The following SLC24A2 variants were observed in gnomAD, a reference collection of about 807,000 sequenced individuals.
The protein encoded by SLC24A2 is sodium/potassium/calcium exchanger 2.
In SLC24A2, 36 loss-of-function variants were observed where a neutral mutation model predicts 62.0. The observed-to-expected ratio is 0.58, with a 90% CI of 0.44 to 0.77. The LOEUF (loss-of-function observed/expected upper bound fraction) is 0.77. Among genes scored for constraint, SLC24A2 ranks in the 30% least tolerant of loss-of-function variants. The pLI, the probability that SLC24A2 is intolerant of heterozygous loss-of-function variation, is 0.00. For missense variants in SLC24A2, 846 were observed against 817.9 expected (o/e 1.03, Z -0.42); for synonymous variants, 358 against 294.0 (o/e 1.22, Z -2.23).
At chr9:19,609,693 C>T (rs1301067567) in intron 4 of SLC24A2, among the ~76,000 whole-genome samples, 11 of 152,090 alleles carry the variant, frequency 7.2e-5, no homozygotes, top group Non-Finnish European at 1.5e-4. Context: ...TCATTGCTTT[C>T]ATGTTTAAAT....
At chr9:20,020,909 T>C in the SLC24A2 span, among the ~76,000 whole-genome samples, 1 of 152,190 alleles carries the variant, frequency 6.6e-6, no homozygotes, top group South Asian at 2.1e-4. Context: ...AATAAGGATA[T>C]ATGAAAGAGT....
chr9:20,114,790 T>C, the SLC24A2 span, among the ~76,000 whole-genome samples: 2 of 152,064 alleles, frequency 1.3e-5, no homozygotes, highest in East Asian at 3.9e-4. Flanking sequence ...ATGGCCCAAT[T>C]CCAAAACACC....
At chr9:20,214,356 G>A in the SLC24A2 span, among the ~76,000 whole-genome samples, 1 of 152,198 alleles carries the variant, frequency 6.6e-6, no homozygotes, top group Admixed American at 6.5e-5. Context: ...GCTCACACCT[G>A]TAGTCCCAGC....
the SLC24A2 span, among the ~76,000 whole-genome samples, chr9:19,911,807 C>T: frequency 6.6e-6 from 1 of 152,140 alleles, no homozygotes; most frequent in Non-Finnish European, 1.5e-5. Flanking sequence ...TGCACCATCG[C>T]TATCACTTGT....
the SLC24A2 span, among the ~76,000 whole-genome samples, chr9:20,127,953 G>A: frequency 6.6e-6 from 1 of 152,054 alleles, no homozygotes; most frequent in Non-Finnish European, 1.5e-5. Flanking sequence ...AAGGGAAAGT[G>A]GGTGCAACAC....
At position 19,735,890 on chromosome 9, in the gene SLC24A2, G is replaced by GAGAT. The variant is rs541781981; in HGVS notation, c.930+50043_930+50046dup. On this transcript the variant is annotated intron_variant, in intron 2 of 10. Coordinates refer to ENST00000341998, the MANE Select transcript of SLC24A2 (RefSeq NM_020344.4). ...GGGGGAAGGGGGAGGATAGCATTAGGAGATATACCTAATGTAAATGACGAG... is the reference window on the plus strand; with the variant it reads ...GGGGGAAGGGGGAGGATAGCATTAGGAGATAGATATACCTAATGTAAATGACGAG... Among the ~76,000 whole-genome samples, 733 of 152,138 alleles carry GAGAT rather than the reference G, an allele frequency of 4.8e-3. 3 individuals carry two copies. Among genetic ancestry groups the GAGAT allele is most frequent in the African/African-American group, 0.016 (679 of 41,490 alleles).
At chr9:20,051,201 G>A in the SLC24A2 span, among the ~76,000 whole-genome samples, 1 of 152,006 alleles carries the variant, frequency 6.6e-6, no homozygotes, top group African/African-American at 2.4e-5. Flanking sequence ...CCATGCTAAC[G>A]CTAATCAAAA....
At chr9:20,222,779 T>C in the SLC24A2 span, among the ~76,000 whole-genome samples, 1 of 152,060 alleles carries the variant, frequency 6.6e-6, no homozygotes. Context: ...TTTGTCAAGA[T>C]TTTTAAAAAA....
chr9:19,618,875 C>G (rs994317466), intron 4 of SLC24A2, among the ~76,000 whole-genome samples: 4 of 152,174 alleles, frequency 2.6e-5, no homozygotes, highest in Non-Finnish European at 5.9e-5. Context: ...TATCTATCAA[C>G]TTGAAAATAA....
chr9:20,095,761 A>T, the SLC24A2 span, among the ~76,000 whole-genome samples: 81 of 124,456 alleles, frequency 6.5e-4, no homozygotes, highest in African/African-American at 1.7e-3. Context: ...GTAATTTATT[A>T]AAAAAAAAAG....
At chr9:19,954,593 T>G in the SLC24A2 span, among the ~76,000 whole-genome samples, 2 of 152,108 alleles carry the variant, frequency 1.3e-5, no homozygotes, top group East Asian at 1.9e-4. Context: ...CCAGATTTTT[T>G]TTTTTTAAAT....
At chr9:19,931,466 AT>A in the SLC24A2 span, among the ~76,000 whole-genome samples, 1 of 152,232 alleles carries the variant, frequency 6.6e-6, no homozygotes, top group Non-Finnish European at 1.5e-5. Context: ...TGTTAAAATT[AT>A]TATTTTTTCT....
intron 2 of SLC24A2, among the ~76,000 whole-genome samples, chr9:19,629,228 T>A (rs538181935): frequency 2.0e-5 from 3 of 152,144 alleles, no homozygotes; most frequent in Non-Finnish European, 4.4e-5. Flanking sequence ...TCCTAAGTGC[T>A]GGGGAAATGA....
At chr9:19,832,294 G>A in the SLC24A2 span, among the ~76,000 whole-genome samples, 2 of 152,216 alleles carry the variant, frequency 1.3e-5, no homozygotes. Context: ...GATTTTAAAT[G>A]ACTAACTACT....
the SLC24A2 span, among the ~76,000 whole-genome samples, chr9:20,111,980 A>G: frequency 6.6e-6 from 1 of 152,190 alleles, no homozygotes; most frequent in Admixed American, 6.5e-5. Flanking sequence ...ACAGAGGAAA[A>G]CCACGCTTCC....
At chr9:20,274,187 CATAG>C in the SLC24A2 span, among the ~76,000 whole-genome samples, 1 of 152,106 alleles carries the variant, frequency 6.6e-6, no homozygotes, top group Non-Finnish European at 1.5e-5. Context: ...TGAACAAATA[CATAG>C]ATAATGATGC....
chr9:20,052,600 T>A, the SLC24A2 span, among the ~76,000 whole-genome samples: 1 of 152,188 alleles, frequency 6.6e-6, no homozygotes, highest in African/African-American at 2.4e-5. Flanking sequence ...CTCTCCTCCA[T>A]TTGGATTTTG....
At chr9:20,141,606 GCCTCATGATCTAGTATATCACCA>G in the SLC24A2 span, among the ~76,000 whole-genome samples, 1 of 151,410 alleles carries the variant, frequency 6.6e-6, no homozygotes, top group East Asian at 1.9e-4. Flanking sequence ...AGAAAGCCCT[GCCTCATGATCTAGTATATCACCA>G]CCACACACCC....
chr9:19,840,906 T>A, the SLC24A2 span, among the ~76,000 whole-genome samples: 1 of 152,354 alleles, frequency 6.6e-6, no homozygotes, highest in African/African-American at 2.4e-5. Context: ...GAATTATCCA[T>A]GTTGCTGTGT....
Sources: gnomAD v4.1 joint callset for allele counts (sites outside exome capture counted in the v4.1 genomes callset) on GRCh38, gnomAD v4.1.1 for gene constraint, MANE v1.5 for transcripts, NCBI Gene and HGNC (gene_info 2026-07-23, HGNC 2026-07-21) for gene names.